Variants in CSNK2A1 observed in about 807,000 individuals in gnomAD.
CSNK2A1 encodes the protein casein kinase II subunit alpha.
A neutral mutation model predicts 62.9 loss-of-function variants in CSNK2A1; 10 were observed. That is an observed-to-expected ratio of 0.16 (90% CI 0.10 to 0.27). CSNK2A1 has a LOEUF of 0.27. Ranked by LOEUF, CSNK2A1 falls within the 10% of genes least tolerant of loss-of-function variation. The pLI is 1.00. For synonymous variants in CSNK2A1, 124 were observed against 167.8 expected, an observed-to-expected ratio of 0.74 and a Z score of 2.02; for missense variants, 160 against 492.0, an observed-to-expected ratio of 0.33 and a Z score of 6.38.
chr20:484,188 T>A, intron 13 of CSNK2A1, 112 bp from the exon 14 acceptor site: 1 of 865,764 alleles, frequency 1.2e-6, no homozygotes, highest in Non-Finnish European at 1.7e-6. Flanking sequence ...GAAGACTTCC[T>A]CTTAGCTGGA....
At chr20:507,963 G>C (rs1022864070) in intron 3 of CSNK2A1, 7 of 152,972 alleles carry the variant, frequency 4.6e-5, no homozygotes, top group African/African-American at 1.7e-4. Context: ...CATACCTAGG[G>C]TATGGCCTAC....
At chr20:542,572 A>G (rs558863265) in intron 1 of CSNK2A1, among the ~76,000 whole-genome samples, 1 of 152,124 alleles carries the variant, frequency 6.6e-6, no homozygotes, top group Non-Finnish European at 1.5e-5. Flanking sequence ...AGCTGGGATT[A>G]CAGGCGCGCG....
chr20:524,972 T>C (rs2019046675), intron 2 of CSNK2A1, among the ~76,000 whole-genome samples: 1 of 150,984 alleles, frequency 6.6e-6, no homozygotes, highest in Non-Finnish European at 1.5e-5. Context: ...AAAAGTTAGC[T>C]AAGTATGGTG....
intron 6 of CSNK2A1, chr20:498,667 G>C (rs944277819): frequency 1.3e-5 from 2 of 152,152 alleles, no homozygotes; most frequent in African/African-American, 4.8e-5. Context: ...CTGGTGGAAA[G>C]GCAAATCGAA....
In CSNK2A1 at chr20:473,717, A is replaced by C. The variant is rs2017795765; in HGVS notation, c.*10244T>G. ...AAGACTACTGCAGTCTCCATGACCC[A>C]GTCCCTCACCAGTGTCCACTTGTGT... On this transcript the variant is annotated 3_prime_UTR_variant, in exon 14 of 14. Transcript: ENST00000217244. 6.6e-6 allele frequency: 1 copy of C among 152,412 alleles called. No individual in the cohort carries two copies. Among genetic ancestry groups the C allele is most frequent in the South Asian group, 2.1e-4 (1 of 4,832 alleles). 9.4% of individuals were successfully genotyped at this position (152,412 alleles called of 1,614,324 possible).
At chr20:493,362 T>C (rs991955733) in intron 8 of CSNK2A1, among the ~76,000 whole-genome samples, 9 of 152,008 alleles carry the variant, frequency 5.9e-5, no homozygotes, top group Non-Finnish European at 1.3e-4. Flanking sequence ...TCTCACTGCT[T>C]TCACTCTTGC....
intron 2 of CSNK2A1, among the ~76,000 whole-genome samples, chr20:511,846 G>A (rs985192884): frequency 6.6e-6 from 1 of 152,076 alleles, no homozygotes; most frequent in African/African-American, 2.4e-5. Flanking sequence ...TTGAGACCTC[G>A]CTTTCAAATC....
At chr20:502,507 A>T (rs1452650287) in intron 4 of CSNK2A1, 2 of 152,248 alleles carry the variant, frequency 1.3e-5, no homozygotes, top group Non-Finnish European at 2.9e-5. Flanking sequence ...CCCGAATTTA[A>T]TGCGATCAAT....
intron 13 of CSNK2A1, among the ~76,000 whole-genome samples, chr20:484,604 A>G (rs547292857): frequency 2.6e-5 from 4 of 152,294 alleles, no homozygotes; most frequent in Admixed American, 2.6e-4. Context: ...ACTGAAAGTC[A>G]ATTTGAATGG....
At chr20:486,252 G>GT in intron 13 of CSNK2A1, 124 bp downstream of exon 13, 2 of 1,041,414 alleles carry the variant, frequency 1.9e-6, no homozygotes, top group Non-Finnish European at 2.8e-6. Context: ...CTGAAACCTG[G>GT]TTAAAAAAAA....
chr20:485,137 T>TATATATATATATATATGA (rs2018068603), intron 13 of CSNK2A1, among the ~76,000 whole-genome samples: 1 of 91,962 alleles, frequency 1.1e-5, no homozygotes, highest in Non-Finnish European at 2.1e-5. Context: ...TATATATATA[T>TATATATATATATATATGA]GAGAACATTA....
In CSNK2A1 at chr20:499,188, G is replaced by T; in HGVS notation, c.366+67C>A. Reference sequence around the variant, plus strand: ...AAATGCGAAGCAAGCTCTTCTAACAGCATCATCCCCAAAGGCTATGTGGTC... The same window carrying T: ...AAATGCGAAGCAAGCTCTTCTAACATCATCATCCCCAAAGGCTATGTGGTC... On this transcript the variant is annotated intron_variant, in intron 6 of 13. Transcript: ENST00000217244. This position sits in a 1 kb window ranked among gnomAD's most constrained non-coding sequence, Gnocchi z 4.2. 7.6e-7 allele frequency: 1 copy of T among 1,321,512 alleles called. No homozygotes were observed. Among genetic ancestry groups the T allele is most frequent in the Non-Finnish European group, 1.0e-6 (1 of 981,166 alleles). The allele number at this position is 1,321,512 out of a possible 1,614,324, so 81.9% of individuals were successfully genotyped here.
At chr20:510,571 T>C (rs1387714752) in intron 2 of CSNK2A1, among the ~76,000 whole-genome samples, 3 of 152,162 alleles carry the variant, frequency 2.0e-5, no homozygotes, top group Non-Finnish European at 4.4e-5. Flanking sequence ...AGGAAAAAAA[T>C]GTGCCCACAC....
intron 4 of CSNK2A1, chr20:503,448 T>A (rs919911228): frequency 2.5e-6 from 1 of 398,502 alleles, no homozygotes; most frequent in Non-Finnish European, 4.4e-6. Flanking sequence ...ACTCTCTGGT[T>A]CTCAAAGGGC....
chr20:510,698 C>G (rs1434979702), intron 2 of CSNK2A1, among the ~76,000 whole-genome samples: 1 of 152,088 alleles, frequency 6.6e-6, no homozygotes, highest in African/African-American at 2.4e-5. Flanking sequence ...GCCCTTTGTA[C>G]TATTTTTATT....
Position 499,194 on chromosome 20 carries a change from T to TC in CSNK2A1, c.366+60dup. On this transcript the variant is annotated intron_variant, in intron 6 of 13. Coordinates refer to ENST00000217244, the MANE Select transcript of CSNK2A1 (RefSeq NM_177559.3). The surrounding 1 kb of genome is among the most constrained non-coding windows in gnomAD (Gnocchi z 4.2). ...GAAGCAAGCTCTTCTAACAGCATCA[T>TC]CCCCAAAGGCTATGTGGTCTAAAAA... 2.2e-6 allele frequency: 3 copies of TC among 1,364,582 alleles called. No homozygotes were observed. Among genetic ancestry groups the TC allele is most frequent in the Non-Finnish European group, 3.0e-6 (3 of 1,014,754 alleles). The allele number at this position is 1,364,582 out of a possible 1,614,324, so 84.5% of individuals were successfully genotyped here.
At chr20:523,707 C>T (rs562483457) in intron 2 of CSNK2A1, among the ~76,000 whole-genome samples, 20 of 151,676 alleles carry the variant, frequency 1.3e-4, no homozygotes, top group Admixed American at 2.0e-4. Context: ...CTGGCTAACA[C>T]GGTGAAACCC....
At chr20:522,157 G>C (rs1405424540) in intron 2 of CSNK2A1, among the ~76,000 whole-genome samples, 2 of 152,178 alleles carry the variant, frequency 1.3e-5, no homozygotes, top group African/African-American at 4.8e-5. Flanking sequence ...AGGAGGTGGA[G>C]CTCAATTTTT....
intron 2 of CSNK2A1, among the ~76,000 whole-genome samples, chr20:517,279 T>C (rs1468600496): frequency 6.6e-6 from 1 of 152,262 alleles, no homozygotes; most frequent in African/African-American, 2.4e-5. Context: ...GAATTACTTA[T>C]TTCAAATGTC....
Sources: allele counts gnomAD v4.1 joint callset (sites outside exome capture counted in the v4.1 genomes callset), GRCh38; gene constraint gnomAD v4.1.1; non-coding constraint Gnocchi (gnomAD v3.1); transcripts MANE v1.5; gene names NCBI Gene and HGNC (gene_info 2026-07-23, HGNC 2026-07-21).